Variants in MPZL1 observed in about 807,000 individuals in gnomAD.
MPZL1 encodes myelin protein zero-like protein 1.
MPZL1 carries 16 observed loss-of-function variants against 29.3 expected under a neutral mutation model. That is an observed-to-expected ratio of 0.55 (90% CI 0.37 to 0.83). The LOEUF is 0.83. MPZL1 is among the 40% of genes least tolerant of loss of function. The pLI is 0.00. For synonymous variants in MPZL1, 143 were observed against 132.0 expected, an observed-to-expected ratio of 1.08 and a Z score of -0.57; for missense variants, 279 against 332.9, an observed-to-expected ratio of 0.84 and a Z score of 1.26.
At chr1:167,737,108 T>G (rs992325331) in intron 1 of MPZL1, among the ~76,000 whole-genome samples, 3 of 152,232 alleles carry the variant, frequency 2.0e-5, no homozygotes, top group Non-Finnish European at 4.4e-5. Context: ...TTCCTCTATC[T>G]CTTTATCTAA....
intron 1 of MPZL1, among the ~76,000 whole-genome samples, chr1:167,752,642 T>TTCC (rs1233044421): frequency 1.3e-5 from 2 of 152,174 alleles, no homozygotes; most frequent in African/African-American, 4.8e-5. Flanking sequence ...CCCTCATATT[T>TTCC]TACTTTCTGT....
At chr1:167,776,722 A>G (rs2051656) in intron 5 of MPZL1, among the ~76,000 whole-genome samples, 27,855 of 152,156 alleles carry the variant, frequency 0.18, 3,048 homozygotes, top group East Asian at 0.37. Context: ...TTTTATTTGG[A>G]AGTTAGCATA....
chr1:167,741,330 CTTTT>C (rs57675541), intron 1 of MPZL1, among the ~76,000 whole-genome samples: 2 of 132,098 alleles, frequency 1.5e-5, no homozygotes, highest in Non-Finnish European at 1.6e-5. Context: ...CCTGCAGTCA[CTTTT>C]TTTTTTTTTT....
intron 1 of MPZL1, among the ~76,000 whole-genome samples, chr1:167,750,861 TGCA>T (rs763603222): frequency 2.6e-5 from 4 of 152,256 alleles, no homozygotes; most frequent in Non-Finnish European, 5.9e-5. Flanking sequence ...ACCTTTAGTC[TGCA>T]GCATTTCCTG....
intron 1 of MPZL1, among the ~76,000 whole-genome samples, chr1:167,731,147 A>C (rs1036218512): frequency 6.6e-6 from 1 of 152,208 alleles, no homozygotes; most frequent in African/African-American, 2.4e-5. Flanking sequence ...TTAAGACCAG[A>C]AAATGGGCCG....
At chr1:167,741,299 G>C (rs1320089717) in intron 1 of MPZL1, among the ~76,000 whole-genome samples, 1 of 150,646 alleles carries the variant, frequency 6.6e-6, no homozygotes, top group South Asian at 2.1e-4. Flanking sequence ...TGGGATTACA[G>C]GCATGAGTCA....
At chr1:167,781,980 TC>T (rs1185437474) in intron 5 of MPZL1, among the ~76,000 whole-genome samples, 2 of 152,278 alleles carry the variant, frequency 1.3e-5, no homozygotes, top group South Asian at 4.1e-4. Flanking sequence ...TATCTATTTA[TC>T]TTTTTATGGA....
At chr1:167,772,184 C>G in intron 2 of MPZL1, 91 bp from the exon 3 acceptor site, 1 of 1,037,626 alleles carries the variant, frequency 9.6e-7, no homozygotes. Flanking sequence ...CGTATGAAGT[C>G]TTTAAAAGAA....
chr1:167,762,455 C>T lies in MPZL1; in HGVS notation c.92-3128C>T, dbSNP rs1268375618. 3.3e-5 allele frequency among the ~76,000 whole-genome samples: 5 copies of T among 152,144 alleles called. 1 individual carries two copies. The highest frequency in any genetic ancestry group is 7.4e-5 in the Non-Finnish European group (5 of 68,024). On this transcript the variant is annotated intron_variant, in intron 1 of 5. Coordinates refer to ENST00000359523, the MANE Select transcript of MPZL1 (RefSeq NM_003953.6). Reference sequence around the variant, plus strand: ...CACGTGGCGGAAGAAGATTTATGGACAGAAAAAGGAAAGTGATGTACAGAA... The same window carrying T: ...CACGTGGCGGAAGAAGATTTATGGATAGAAAAAGGAAAGTGATGTACAGAA...
chr1:167,782,126 C>G (rs996175531), intron 5 of MPZL1, among the ~76,000 whole-genome samples: 1 of 152,150 alleles, frequency 6.6e-6, no homozygotes, highest in Non-Finnish European at 1.5e-5. Context: ...AATTCCTTAG[C>G]TGTGACTAGT....
At chr1:167,735,292 T>G (rs1660355316) in intron 1 of MPZL1, among the ~76,000 whole-genome samples, 1 of 152,204 alleles carries the variant, frequency 6.6e-6, no homozygotes, top group Non-Finnish European at 1.5e-5. Context: ...AATGGTGACA[T>G]TTTGCATATC....
At chr1:167,722,581 C>T (rs545149388) in intron 1 of MPZL1, among the ~76,000 whole-genome samples, 1 of 152,214 alleles carries the variant, frequency 6.6e-6, no homozygotes, top group Non-Finnish European at 1.5e-5. Context: ...CCTGCCCTCT[C>T]CTCGTGGTGA....
At chr1:167,724,745 T>G (rs1660106374) in intron 1 of MPZL1, among the ~76,000 whole-genome samples, 1 of 152,082 alleles carries the variant, frequency 6.6e-6, no homozygotes, top group Non-Finnish European at 1.5e-5. Flanking sequence ...AGAAAACAAT[T>G]GGATAGACAG....
chr1:167,772,881 C>T (rs1419750309), intron 3 of MPZL1, among the ~76,000 whole-genome samples: 4 of 152,148 alleles, frequency 2.6e-5, no homozygotes, highest in African/African-American at 9.7e-5. Context: ...GTTATTTCTT[C>T]CTTTTGATTT....
At chr1:167,785,979 G>A (rs890246955) in intron 5 of MPZL1, among the ~76,000 whole-genome samples, 1 of 152,124 alleles carries the variant, frequency 6.6e-6, no homozygotes, top group African/African-American at 2.4e-5. Context: ...ATTTTTAGTA[G>A]AGACGGGGTT....
chr1:167,721,997 C>G lies in MPZL1; in HGVS notation c.-155C>G, dbSNP rs2101739521. 9.0e-7 allele frequency: 1 copy of G among 1,113,032 alleles called. No individual in the cohort carries two copies. The highest frequency in any genetic ancestry group is 3.2e-5 in the East Asian group (1 of 30,976). 68.9% of individuals were successfully genotyped at this position (1,113,032 alleles called of 1,614,324 possible). On this transcript the variant is annotated 5_prime_UTR_variant, in exon 1 of 6. Transcript: ENST00000359523. ...AGGCTTCGGTGCAGAGCTGGAGAGCCGCGGCTGGGACCGGAGTGGGGAGCG... is the reference window on the plus strand; with the variant it reads ...AGGCTTCGGTGCAGAGCTGGAGAGCGGCGGCTGGGACCGGAGTGGGGAGCG...
At chr1:167,783,608 G>A (rs1357180281) in intron 5 of MPZL1, among the ~76,000 whole-genome samples, 1 of 152,160 alleles carries the variant, frequency 6.6e-6, no homozygotes, top group African/African-American at 2.4e-5. Context: ...AGTCCTCCAG[G>A]GTAAGTTCTT....
intron 1 of MPZL1, among the ~76,000 whole-genome samples, chr1:167,763,558 T>C (rs1661042990): frequency 6.6e-6 from 1 of 151,558 alleles, no homozygotes; most frequent in Non-Finnish European, 1.5e-5. Context: ...ATTTATAGAC[T>C]TTTAGAGACT....
At chr1:167,751,123 A>G (rs1660746126) in intron 1 of MPZL1, among the ~76,000 whole-genome samples, 1 of 151,954 alleles carries the variant, frequency 6.6e-6, no homozygotes, top group Non-Finnish European at 1.5e-5. Context: ...ATGTTTCTCC[A>G]CTCTAAAGTA....
Sources: gnomAD v4.1 joint callset for allele counts (sites outside exome capture counted in the v4.1 genomes callset) on GRCh38, gnomAD v4.1.1 for gene constraint, MANE v1.5 for transcripts, NCBI Gene and HGNC (gene_info 2026-07-23, HGNC 2026-07-21) for gene names.